TSPAN9: variants seen among roughly 807,000 people sequenced by gnomAD.
TSPAN9 encodes the protein tetraspanin 9.
A neutral mutation model predicts 31.0 loss-of-function variants in TSPAN9; 16 were observed. The ratio of observed to expected loss-of-function variants is 0.52; its 90% confidence interval spans 0.35 to 0.78. The LOEUF (loss-of-function observed/expected upper bound fraction) is 0.78, where lower values mean the gene tolerates loss of function less well. Among genes scored for constraint, TSPAN9 ranks in the 30% least tolerant of loss-of-function variants. The pLI is 0.01. For synonymous variants in TSPAN9, 145 were observed against 121.6 expected, an observed-to-expected ratio of 1.19 and a Z score of -1.27; for missense variants, 272 against 312.5, an observed-to-expected ratio of 0.87 and a Z score of 0.98.
chr12:3,204,000 G>A (rs1343469679), intron 3 of TSPAN9, among the ~76,000 whole-genome samples: 3 of 152,162 alleles, frequency 2.0e-5, no homozygotes, highest in Admixed American at 1.3e-4. Flanking sequence ...ATGAGTCAGG[G>A]TCCCTGGGAG....
At chr12:3,181,775 C>G (rs2098358717) in intron 2 of TSPAN9, among the ~76,000 whole-genome samples, 1 of 152,168 alleles carries the variant, frequency 6.6e-6, no homozygotes, top group Admixed American at 6.5e-5. Context: ...TGCACTGCCT[C>G]TTACTTTCTG....
At chr12:3,174,414 T>C (rs1289028076) in intron 2 of TSPAN9, among the ~76,000 whole-genome samples, 1 of 152,098 alleles carries the variant, frequency 6.6e-6, no homozygotes, top group Non-Finnish European at 1.5e-5. Context: ...TTTCTAGATT[T>C]CCTTCCAATT....
chr12:3,109,996 C>T (rs1249374461), intron 2 of TSPAN9, among the ~76,000 whole-genome samples: 2 of 152,048 alleles, frequency 1.3e-5, no homozygotes, highest in African/African-American at 4.8e-5. Flanking sequence ...ATCTGCAGCA[C>T]CAGGAGGGGC....
At chr12:3,245,744 G>A (rs540918696) in intron 3 of TSPAN9, among the ~76,000 whole-genome samples, 38 of 152,322 alleles carry the variant, frequency 2.5e-4, no homozygotes, top group Middle Eastern at 3.4e-3. Flanking sequence ...AGACCGGCCC[G>A]TGGCACGGAG....
At chr12:3,204,032 A>AG (rs985714229) in intron 3 of TSPAN9, among the ~76,000 whole-genome samples, 2 of 152,272 alleles carry the variant, frequency 1.3e-5, no homozygotes, top group East Asian at 1.9e-4. Flanking sequence ...TGTCTTGTGC[A>AG]GGGGGGCAGG....
At chr12:3,213,812 A>G (rs950891797) in intron 3 of TSPAN9, among the ~76,000 whole-genome samples, 23 of 152,198 alleles carry the variant, frequency 1.5e-4, no homozygotes, top group Non-Finnish European at 1.5e-5. Flanking sequence ...CTTCCCACCT[A>G]AATGGAGACT....
chr12:3,276,027 C>T (rs1378591084), intron 3 of TSPAN9, among the ~76,000 whole-genome samples: 1 of 152,206 alleles, frequency 6.6e-6, no homozygotes, highest in Non-Finnish European at 1.5e-5. Context: ...CCGTAGCCTC[C>T]TGGTATGAGT....
chr12:3,169,870 A>C (rs2098350779), intron 2 of TSPAN9, among the ~76,000 whole-genome samples: 1 of 152,136 alleles, frequency 6.6e-6, no homozygotes, highest in Non-Finnish European at 1.5e-5. Context: ...GGTACAGAGA[A>C]GCTTAGAGGT....
At chr12:3,186,020 A>G (rs2098361127) in intron 2 of TSPAN9, among the ~76,000 whole-genome samples, 1 of 152,142 alleles carries the variant, frequency 6.6e-6, no homozygotes, top group South Asian at 2.1e-4. Context: ...GTAGGGTCCC[A>G]TTAGAGGCTA....
intron 2 of TSPAN9, among the ~76,000 whole-genome samples, chr12:3,196,556 GTTAC>G (rs1296486835): frequency 6.6e-6 from 1 of 152,188 alleles, no homozygotes; most frequent in African/African-American, 2.4e-5. Context: ...GATTGAGTGA[GTTAC>G]TTTGTGGGAA....
chr12:3,166,665 T>C (rs945150890), intron 2 of TSPAN9, among the ~76,000 whole-genome samples: 83 of 152,216 alleles, frequency 5.5e-4, no homozygotes, highest in African/African-American at 1.9e-3. Flanking sequence ...GGGACCAGCA[T>C]CCAGATTGAG....
chr12:3,200,462 G>A (rs1166430962), intron 2 of TSPAN9: 1 of 152,402 alleles, frequency 6.6e-6, no homozygotes, highest in Non-Finnish European at 1.5e-5. Flanking sequence ...ACGAGAGGAG[G>A]CGGAGCGCCG....
rs1338813145 is a variant in TSPAN9, at chr12:3,280,992, T to G, written c.433-206T>G. Among the ~76,000 whole-genome samples the G allele has an allele frequency of 6.6e-6, 1 of 152,118 alleles. No individual in the cohort carries two copies. The highest frequency in any genetic ancestry group is 1.5e-5 in the Non-Finnish European group (1 of 68,006). On this transcript the variant is annotated intron_variant, in intron 6 of 8. Coordinates refer to ENST00000011898, the MANE Select transcript of TSPAN9 (RefSeq NM_006675.5). The surrounding 1 kb of genome is among the most constrained non-coding windows in gnomAD (Gnocchi z 4.5). ...GCTGCATTGCCCTCTCCCGCTCTGG[T>G]CTCCAGGAAGGAGTGCTCACTCACT...
intron 2 of TSPAN9, among the ~76,000 whole-genome samples, chr12:3,165,365 C>G (rs1287069098): frequency 6.6e-6 from 1 of 152,180 alleles, no homozygotes; most frequent in African/African-American, 2.4e-5. Flanking sequence ...TGCCAGGAAT[C>G]AGGGTTCATT....
intron 2 of TSPAN9, among the ~76,000 whole-genome samples, chr12:3,091,159 C>T (rs1424249549): frequency 2.0e-4 from 30 of 152,334 alleles, no homozygotes; most frequent in Non-Finnish European, 4.4e-5. Context: ...AAAGCTAGTC[C>T]GGCCTTCCAG....
chr12:3,161,820 T>C (rs978051461), intron 2 of TSPAN9, among the ~76,000 whole-genome samples: 1 of 152,092 alleles, frequency 6.6e-6, no homozygotes, highest in Non-Finnish European at 1.5e-5. Context: ...TCTATCTGTC[T>C]GTCTGTTGTT....
At chr12:3,235,099 G>T (rs1296242456) in intron 3 of TSPAN9, among the ~76,000 whole-genome samples, 7 of 139,896 alleles carry the variant, frequency 5.0e-5, no homozygotes, top group African/African-American at 1.9e-4. Flanking sequence ...CCCCGGAGAT[G>T]GAGCTTGCAG....
intron 3 of TSPAN9, among the ~76,000 whole-genome samples, chr12:3,205,049 C>T (rs867674577): frequency 6.6e-6 from 1 of 152,086 alleles, no homozygotes; most frequent in South Asian, 2.1e-4. Context: ...GTGTACCCTT[C>T]CTGGGGCAGC....
chr12:3,226,784 A>ATTTTTTT (rs2098387976), intron 3 of TSPAN9, among the ~76,000 whole-genome samples: 1 of 4,106 alleles, frequency 2.4e-4, no homozygotes, highest in Non-Finnish European at 3.9e-4. Context: ...ATATATATAT[A>ATTTTTTT]TATATATATA....
Sources: gnomAD v4.1 joint callset for allele counts (sites outside exome capture counted in the v4.1 genomes callset) on GRCh38, gnomAD v4.1.1 for gene constraint, Gnocchi (gnomAD v3.1) non-coding constraint, MANE v1.5 for transcripts, NCBI Gene and HGNC (gene_info 2026-07-23, HGNC 2026-07-21) for gene names.